The following GRIN2B variants were observed in gnomAD, a reference collection of about 807,000 sequenced individuals.
GRIN2B encodes glutamate ionotropic receptor NMDA type subunit 2B.
A neutral mutation model predicts 114.5 loss-of-function variants in GRIN2B; 5 were observed. The observed-to-expected ratio is 0.04, with a 90% confidence interval of 0.02 to 0.09. The LOEUF (loss-of-function observed/expected upper bound fraction) is 0.09. Ranked by LOEUF, GRIN2B falls within the 10% of genes least tolerant of loss-of-function variation. GRIN2B has a pLI of 1.00. For synonymous variants in GRIN2B, 787 were observed against 745.1 expected (o/e 1.06, Z -0.92); for missense variants, 1,108 against 1,943.5 (o/e 0.57, Z 8.08).
chr12:13,701,258 T>C (rs1014580983), intron 4 of GRIN2B, among the ~76,000 whole-genome samples: 19 of 152,128 alleles, frequency 1.2e-4, no homozygotes, highest in Non-Finnish European at 2.6e-4. Context: ...AAGGTGAGAT[T>C]TGGGTGGGGA....
At chr12:13,894,672 T>G (rs1004316406) in intron 2 of GRIN2B, among the ~76,000 whole-genome samples, 1 of 152,172 alleles carries the variant, frequency 6.6e-6, no homozygotes, top group Non-Finnish European at 1.5e-5. Flanking sequence ...TAAAGTTATA[T>G]GTTAAACATT....
At chr12:13,922,636 C>T (rs1450061520) in intron 2 of GRIN2B, among the ~76,000 whole-genome samples, 1 of 152,078 alleles carries the variant, frequency 6.6e-6, no homozygotes, top group Non-Finnish European at 1.5e-5. Flanking sequence ...CGTGGTAAGT[C>T]CGGTTTTATT....
chr12:13,616,687 A>G (rs1251850088), intron 5 of GRIN2B, 30 bp from the exon 6 acceptor site: 1 of 1,530,860 alleles, frequency 6.5e-7, no homozygotes, highest in Admixed American at 1.7e-5. Flanking sequence ...AGAATCAGAA[A>G]CCACTGGCCA....
chr12:13,867,831 T>C (rs1460789336), intron 2 of GRIN2B, among the ~76,000 whole-genome samples: 1 of 151,456 alleles, frequency 6.6e-6, no homozygotes, highest in Non-Finnish European at 1.5e-5. Context: ...TTCTCATTCT[T>C]CTACAAAGAG....
intron 2 of GRIN2B, among the ~76,000 whole-genome samples, chr12:13,868,173 G>GTC (rs1184717199): frequency 2.0e-5 from 3 of 152,180 alleles, no homozygotes; most frequent in East Asian, 1.9e-4. Flanking sequence ...TGATTGCCTT[G>GTC]TCTCTCTCTC....
intron 4 of GRIN2B, among the ~76,000 whole-genome samples, chr12:13,735,500 T>A (rs1254768399): frequency 2.0e-5 from 3 of 152,192 alleles, no homozygotes; most frequent in Non-Finnish European, 2.9e-5. Flanking sequence ...TCAACCTCCT[T>A]TTCCCTGAAT....
At chr12:13,870,656 A>T (rs1190876547) in intron 2 of GRIN2B, among the ~76,000 whole-genome samples, 1 of 152,082 alleles carries the variant, frequency 6.6e-6, no homozygotes, top group Non-Finnish European at 1.5e-5. Flanking sequence ...TATTCCAAGC[A>T]CCATCCCTTA....
intron 3 of GRIN2B, among the ~76,000 whole-genome samples, chr12:13,863,782 C>T (rs1865784415): frequency 6.6e-6 from 1 of 152,124 alleles, no homozygotes; most frequent in Non-Finnish European, 1.5e-5. Context: ...CTAGTTTAGG[C>T]ATAACTTTTT....
intron 3 of GRIN2B, among the ~76,000 whole-genome samples, chr12:13,808,748 A>ATATATATATATAT (rs1388525573): frequency 0.024 from 2,634 of 109,356 alleles, 84 homozygotes; most frequent in South Asian, 0.049. Flanking sequence ...TATAATAAAA[A>ATATATATATATAT]AAAAATATAT....
intron 4 of GRIN2B, among the ~76,000 whole-genome samples, chr12:13,735,983 G>A (rs975102772): frequency 1.3e-5 from 2 of 151,856 alleles, no homozygotes; most frequent in Admixed American, 6.6e-5. Flanking sequence ...TCCTTTACAC[G>A]GGATTCAGAA....
intron 2 of GRIN2B, among the ~76,000 whole-genome samples, chr12:13,961,373 C>T (rs1384302790): frequency 6.6e-6 from 1 of 151,804 alleles, no homozygotes; most frequent in Non-Finnish European, 1.5e-5. Context: ...GAGAGAGATA[C>T]CATAGGGAAG....
chr12:13,842,876 C>T (rs11055639), intron 3 of GRIN2B, among the ~76,000 whole-genome samples: 1 of 142,714 alleles, frequency 7.0e-6, no homozygotes, highest in African/African-American at 2.6e-5. Context: ...AACTCCTTTT[C>T]TGATTAGTTG....
intron 10 of GRIN2B, among the ~76,000 whole-genome samples, chr12:13,607,181 T>TATATA: frequency 1.7e-5 from 2 of 114,364 alleles, no homozygotes; most frequent in Non-Finnish European, 3.4e-5. Flanking sequence ...ATATATATAA[T>TATATA]AAATATATAA....
chr12:13,901,996 T>G (rs549384516), intron 2 of GRIN2B, among the ~76,000 whole-genome samples: 1 of 152,298 alleles, frequency 6.6e-6, no homozygotes, highest in African/African-American at 2.4e-5. Context: ...TTCTATTATT[T>G]ATCAAGTGAC....
chr12:13,580,519 A>T (rs1948833841), intron 10 of GRIN2B, among the ~76,000 whole-genome samples: 1 of 152,182 alleles, frequency 6.6e-6, no homozygotes, highest in Non-Finnish European at 1.5e-5. Context: ...CAATGCCCAA[A>T]TGCCACTCAG....
At chr12:13,980,651 G>C (rs1180378968) in intron 1 of GRIN2B, among the ~76,000 whole-genome samples, 1 of 151,914 alleles carries the variant, frequency 6.6e-6, no homozygotes, top group Non-Finnish European at 1.5e-5. Flanking sequence ...GGGAAGGAAG[G>C]AGGAAGGGGG....
rs746648670 is a variant in GRIN2B, at chr12:13,847,556, T to C, written c.411+18242A>G. Among the ~76,000 whole-genome samples the C allele has an allele frequency of 3.3e-5, 5 of 152,100 alleles. No individual in the cohort carries two copies. In the East Asian group the frequency reaches 9.7e-4, roughly 29 times the overall value. ...TCAGCACTGACAGGATGAAGCACGA[T>C]GATGGCTGCGTGTACCACATAAGGT... On this transcript the variant is annotated intron_variant, in intron 3 of 13. Transcript: ENST00000609686.
intron 2 of GRIN2B, among the ~76,000 whole-genome samples, chr12:13,884,320 C>T (rs544805737): frequency 8.6e-5 from 13 of 151,914 alleles, no homozygotes; most frequent in South Asian, 8.3e-4. Context: ...ATTTAAGAAA[C>T]GTAGACACCT....
At chr12:13,572,997 T>A (rs961592909) in intron 10 of GRIN2B, among the ~76,000 whole-genome samples, 1 of 125,436 alleles carries the variant, frequency 8.0e-6, no homozygotes, top group African/African-American at 3.1e-5. Context: ...AAACTCTAGA[T>A]TGAAACAGAT....
Sources: gnomAD v4.1 joint callset for allele counts (sites outside exome capture counted in the v4.1 genomes callset) on GRCh38, gnomAD v4.1.1 for gene constraint, MANE v1.5 for transcripts, NCBI Gene and HGNC (gene_info 2026-07-23, HGNC 2026-07-21) for gene names.